MRPL22: variants seen among roughly 807,000 people sequenced by gnomAD.
The protein encoded by MRPL22 is large ribosomal subunit protein uL22m.
In MRPL22, 27 loss-of-function variants were observed where a neutral mutation model predicts 32.4. The ratio of observed to expected loss-of-function variants is 0.83; its 90% CI spans 0.61 to 1.15. The LOEUF (loss-of-function observed/expected upper bound fraction) is 1.15, where lower values mean the gene tolerates loss of function less well. MRPL22 is among the 50% of genes most tolerant of loss of function. The probability of loss-of-function intolerance (pLI) is 0.00; values close to 1 mark genes in which losing one functional copy is unlikely to be tolerated. For synonymous variants in MRPL22, 86 were observed against 87.3 expected, an observed-to-expected ratio of 0.99 and a Z score of 0.08; for missense variants, 239 against 260.2, an observed-to-expected ratio of 0.92 and a Z score of 0.56.
At chr5:154,952,222 G>A (rs528084397) in intron 3 of MRPL22, among the ~76,000 whole-genome samples, 25 of 152,214 alleles carry the variant, frequency 1.6e-4, no homozygotes, top group African/African-American at 5.5e-4. Flanking sequence ...AACAGTATTT[G>A]TCAAGTCCAG....
At chr5:154,963,592 A>T (rs761707785) in intron 6 of MRPL22, among the ~76,000 whole-genome samples, 1 of 152,254 alleles carries the variant, frequency 6.6e-6, no homozygotes, top group Non-Finnish European at 1.5e-5. Flanking sequence ...CTGTATTGAA[A>T]AAATGATATT....
chr5:154,949,529 G>A (rs921335568), intron 2 of MRPL22, among the ~76,000 whole-genome samples: 3 of 152,176 alleles, frequency 2.0e-5, no homozygotes, highest in Non-Finnish European at 4.4e-5. Flanking sequence ...ATATAGGATG[G>A]TGGCAATTAG....
rs775316543 is a variant in MRPL22, at chr5:154,941,153, G to A, written c.28+15G>A. 5.6e-6 allele frequency: 9 copies of A among 1,614,054 alleles called. No homozygotes were observed. In the African/African-American group the frequency reaches 9.3e-5, roughly 17 times the overall value. ...GGGACAGTTGGGTAAGGATTTCTTA[G>A]TGGTTAAGCGACAGAAGGGAGTCGA... On this transcript the variant is annotated intron_variant, in intron 1 of 6. Coordinates refer to ENST00000523037, the MANE Select transcript of MRPL22 (RefSeq NM_014180.4).
intron 2 of MRPL22, among the ~76,000 whole-genome samples, chr5:154,942,619 C>G (rs1336154552): frequency 1.3e-5 from 2 of 152,170 alleles, no homozygotes; most frequent in Non-Finnish European, 2.9e-5. Context: ...GCAGTCCTAC[C>G]CATTATTCAA....
Position 154,941,368 on chromosome 5 carries a change from G to A in MRPL22, c.77+103G>A, listed in dbSNP as rs138394661. ...GTGCCTAACTGTGTTTTAGGCTCTG[G>A]GGTTACTGAGGCGAATGAGACAGCC... is the stretch of plus-strand genomic sequence containing the variant. On this transcript the variant is annotated intron_variant, in intron 2 of 6. Coordinates refer to ENST00000523037, the MANE Select transcript of MRPL22 (RefSeq NM_014180.4). 8.5e-4 allele frequency: 1,210 copies of A among 1,421,418 alleles called. 1 individual carries two copies. The highest frequency in any genetic ancestry group is 1.1e-3 in the Non-Finnish European group (1,116 of 1,038,628). The allele number at this position is 1,421,418 out of a possible 1,614,324, so 88.1% of individuals were successfully genotyped here. A position where few individuals can be genotyped will look rare whatever the true frequency, so the allele number is the denominator to read the frequency against.
At chr5:154,948,427 T>TC (rs1413112217) in intron 2 of MRPL22, among the ~76,000 whole-genome samples, 3 of 152,242 alleles carry the variant, frequency 2.0e-5, no homozygotes. Flanking sequence ...CTCTTTTTTT[T>TC]CTTGTAATTT....
chr5:154,966,302 C>T (rs147065476), intron 6 of MRPL22, among the ~76,000 whole-genome samples: 1 of 152,326 alleles, frequency 6.6e-6, no homozygotes, highest in African/African-American at 2.4e-5. Flanking sequence ...GATCAAATGT[C>T]TCTTTCTCAG....
chr5:154,957,277 A>G, intron 5 of MRPL22, 65 bp downstream of exon 5: 1 of 1,329,490 alleles, frequency 7.5e-7, no homozygotes, highest in Non-Finnish European at 1.1e-6. Flanking sequence ...TCTTGCAATT[A>G]TTAGTAAGCT....
chr5:154,944,673 G>A (rs1377880635), intron 2 of MRPL22, among the ~76,000 whole-genome samples: 1 of 152,148 alleles, frequency 6.6e-6, no homozygotes, highest in Non-Finnish European at 1.5e-5. Context: ...AAAATATAGA[G>A]TATATTAGAT....
intron 6 of MRPL22, among the ~76,000 whole-genome samples, chr5:154,962,608 A>T (rs973060108): frequency 6.6e-6 from 1 of 152,206 alleles, no homozygotes; most frequent in Admixed American, 6.5e-5. Context: ...ACTCTTTCAA[A>T]TGCCTGTCAT....
At chr5:154,962,611 C>T (rs1334741741) in intron 6 of MRPL22, among the ~76,000 whole-genome samples, 1 of 152,150 alleles carries the variant, frequency 6.6e-6, no homozygotes, top group African/African-American at 2.4e-5. Flanking sequence ...CTTTCAAATG[C>T]CTGTCATTGG....
At chr5:154,947,638 C>T (rs1314404999) in intron 2 of MRPL22, among the ~76,000 whole-genome samples, 15 of 152,262 alleles carry the variant, frequency 9.9e-5, no homozygotes, top group East Asian at 1.9e-4. Context: ...TAAATGTTTA[C>T]GCAGTATCCA....
chr5:154,962,390 C>T (rs1050546915), intron 6 of MRPL22, among the ~76,000 whole-genome samples: 12 of 152,054 alleles, frequency 7.9e-5, no homozygotes, highest in African/African-American at 2.9e-4. Context: ...GATTCTTAAC[C>T]ATAAAATATG....
chr5:154,951,270 T>C (rs1299680120), intron 3 of MRPL22, among the ~76,000 whole-genome samples: 1 of 152,200 alleles, frequency 6.6e-6, no homozygotes, highest in African/African-American at 2.4e-5. Flanking sequence ...TATTGGCCAA[T>C]GTTTAAATTA....
intron 6 of MRPL22, among the ~76,000 whole-genome samples, chr5:154,964,183 G>C (rs1764738667): frequency 6.6e-6 from 1 of 152,266 alleles, no homozygotes; most frequent in Admixed American, 6.5e-5. Context: ...TGTGCTCTGT[G>C]GGGTGTTTAG....
chr5:154,964,552 G>A (rs959007136), intron 6 of MRPL22, among the ~76,000 whole-genome samples: 6 of 152,038 alleles, frequency 3.9e-5, no homozygotes, highest in African/African-American at 9.7e-5. Context: ...TTCCCATTAC[G>A]GTGTATTAAA....
chr5:154,954,485 T>C (rs1478888594), intron 3 of MRPL22, among the ~76,000 whole-genome samples: 1 of 152,228 alleles, frequency 6.6e-6, no homozygotes, highest in Admixed American at 6.5e-5. Flanking sequence ...GGCAGAGATA[T>C]ATAACTAGGT....
At chr5:154,948,236 C>A (rs1267389054) in intron 2 of MRPL22, among the ~76,000 whole-genome samples, 1 of 152,120 alleles carries the variant, frequency 6.6e-6, no homozygotes, top group African/African-American at 2.4e-5. Context: ...TTGAAACACT[C>A]CCCCCACTGT....
At chr5:154,954,891 A>G (rs1294936195) in intron 3 of MRPL22, among the ~76,000 whole-genome samples, 4 of 152,084 alleles carry the variant, frequency 2.6e-5, no homozygotes, top group Non-Finnish European at 5.9e-5. Context: ...TCCCGGGTTC[A>G]TGGCATTCTC....
Sources: gnomAD v4.1 joint callset for allele counts (sites outside exome capture counted in the v4.1 genomes callset) on GRCh38, gnomAD v4.1.1 for gene constraint, MANE v1.5 for transcripts, NCBI Gene and HGNC (gene_info 2026-07-23, HGNC 2026-07-21) for gene names.